BBS9: variants seen among roughly 807,000 people sequenced by gnomAD.
BBS9 encodes Bardet-Biedl syndrome 9, also known as protein PTHB1.
BBS9 carries 89 observed loss-of-function variants against 117.7 expected under a neutral mutation model. The ratio of observed to expected loss-of-function variants is 0.76; its 90% CI spans 0.64 to 0.90. The LOEUF (loss-of-function observed/expected upper bound fraction) is 0.90. BBS9 is among the 40% of genes least tolerant of loss of function. The pLI is 0.00. For missense variants in BBS9, 982 were observed against 1,042.2 expected, an observed-to-expected ratio of 0.94 and a Z score of 0.80; for synonymous variants, 379 against 370.9, an observed-to-expected ratio of 1.02 and a Z score of -0.25.
At chr7:33,487,827 C>G (rs1200827728) in intron 19 of BBS9, among the ~76,000 whole-genome samples, 1 of 152,166 alleles carries the variant, frequency 6.6e-6, no homozygotes, top group Non-Finnish European at 1.5e-5. Flanking sequence ...AAGGTTGAGG[C>G]TCATAGCTCT....
intron 1 of BBS9, among the ~76,000 whole-genome samples, chr7:33,145,480 G>C (rs1792192396): frequency 6.6e-6 from 1 of 152,124 alleles, no homozygotes; most frequent in South Asian, 2.1e-4. Context: ...TGGTCCTGCA[G>C]CCCAATTTTC....
chr7:33,290,062 T>G (rs1306307702), intron 9 of BBS9, among the ~76,000 whole-genome samples: 2 of 151,840 alleles, frequency 1.3e-5, no homozygotes, highest in Non-Finnish European at 2.9e-5. Context: ...AAAAAAAATT[T>G]TTTTAGAAGG....
rs150601474 is a variant in BBS9, at chr7:33,262,369, G to A, written c.618-1921G>A. On this transcript the variant is annotated intron_variant, in intron 6 of 22. Coordinates refer to ENST00000242067, the MANE Select transcript of BBS9 (RefSeq NM_198428.3). ...GAATATCTATATTATCCCTTGGCAGGTTGGTTTCTGTAGGAAATGAACCAC... is the reference window on the plus strand; with the variant it reads ...GAATATCTATATTATCCCTTGGCAGATTGGTTTCTGTAGGAAATGAACCAC... Among the ~76,000 whole-genome samples the A allele has an allele frequency of 8.0e-3, 1,215 of 152,240 alleles. 9 individuals carry two copies. The highest frequency in any genetic ancestry group is 0.012 in the Non-Finnish European group (799 of 67,996).
At chr7:33,140,566 T>C (rs549249409) in intron 1 of BBS9, among the ~76,000 whole-genome samples, 1 of 152,300 alleles carries the variant, frequency 6.6e-6, no homozygotes, top group African/African-American at 2.4e-5. Context: ...AAGTGAATGA[T>C]GTATCCTCAT....
intron 21 of BBS9, among the ~76,000 whole-genome samples, chr7:33,620,340 TAAAA>T (rs1245482352): frequency 6.6e-6 from 1 of 151,898 alleles, no homozygotes; most frequent in Non-Finnish European, 1.5e-5. Context: ...TAGGACTCCT[TAAAA>T]AAACTGTTAA....
At chr7:33,185,340 G>A (rs1199734273) in intron 5 of BBS9, among the ~76,000 whole-genome samples, 2 of 150,462 alleles carry the variant, frequency 1.3e-5, no homozygotes, top group Non-Finnish European at 3.0e-5. Context: ...TGGTTCCGAT[G>A]CTTCTGACAA....
rs186807372 is a variant in BBS9, at chr7:33,382,171, A to G, written c.1790-1495A>G. Among the ~76,000 whole-genome samples, 762 of 152,268 alleles carry G rather than the reference A, an allele frequency of 5.0e-3. 10 individuals are homozygous for G. The highest frequency in any genetic ancestry group is 0.017 in the African/African-American group (716 of 41,542). On this transcript the variant is annotated intron_variant, in intron 17 of 22. Coordinates refer to ENST00000242067, the MANE Select transcript of BBS9 (RefSeq NM_198428.3). ...TTAGTCCTAGATCTCAAAAAAGTGT[A>G]TAATTCCTGACCCAGTGTGGCAGCT...
At chr7:33,433,340 G>A (rs1273609703) in intron 19 of BBS9, among the ~76,000 whole-genome samples, 2 of 152,026 alleles carry the variant, frequency 1.3e-5, no homozygotes, top group Non-Finnish European at 2.9e-5. Flanking sequence ...TACATCATTG[G>A]TAGAGGACAA....
At position 33,129,733 on chromosome 7, in the gene BBS9, A is replaced by G. The variant is rs1007981417; in HGVS notation, c.-320A>G. The stretch of plus-strand genomic sequence containing the variant: ...TCGCCTGCCTAGTGTCTTCCAAGGG[A>G]TAGATGCCGTTTCCTCTGCTGGTCT... On this transcript the variant is annotated 5_prime_UTR_variant, in exon 1 of 23. Coordinates refer to ENST00000242067, the MANE Select transcript of BBS9 (RefSeq NM_198428.3). 6.6e-6 allele frequency: 1 copy of G among 152,214 alleles called. No individual in the cohort carries two copies. The highest frequency in any genetic ancestry group is 1.5e-5 in the Non-Finnish European group (1 of 68,436). 9.4% of individuals were successfully genotyped at this position (152,214 alleles called of 1,614,324 possible).
At chr7:33,290,571 A>T (rs1388701794) in intron 9 of BBS9, among the ~76,000 whole-genome samples, 1 of 152,174 alleles carries the variant, frequency 6.6e-6, no homozygotes, top group Admixed American at 6.6e-5. Context: ...AAAAAAGGCA[A>T]AATTTAGAAC....
chr7:33,619,328 G>A (rs1453036242), intron 21 of BBS9, among the ~76,000 whole-genome samples: 1 of 152,082 alleles, frequency 6.6e-6, no homozygotes, highest in African/African-American at 2.4e-5. Flanking sequence ...ATATGTATTT[G>A]CCCAATGTTG....
chr7:33,471,248 G>A (rs1039254817), intron 19 of BBS9, among the ~76,000 whole-genome samples: 1 of 152,076 alleles, frequency 6.6e-6, no homozygotes, highest in East Asian at 1.9e-4. Flanking sequence ...TGCAAGTGAT[G>A]GTCTTTCATT....
At chr7:33,559,764 TG>T (rs1030861885) in intron 21 of BBS9, among the ~76,000 whole-genome samples, 2 of 152,162 alleles carry the variant, frequency 1.3e-5, no homozygotes, top group Admixed American at 1.3e-4. Flanking sequence ...CCACGACTCG[TG>T]AGTCCCTTCA....
chr7:33,160,074 C>T (rs1794626091), intron 4 of BBS9, among the ~76,000 whole-genome samples: 1 of 152,170 alleles, frequency 6.6e-6, no homozygotes, highest in African/African-American at 2.4e-5. Flanking sequence ...GCTGTTTAGC[C>T]AGTAAGTAAT....
At chr7:33,308,190 T>G (rs926847532) in intron 9 of BBS9, among the ~76,000 whole-genome samples, 1 of 152,094 alleles carries the variant, frequency 6.6e-6, no homozygotes. Context: ...GAAGACATCA[T>G]TAGTAGGAAG....
intron 5 of BBS9, among the ~76,000 whole-genome samples, chr7:33,186,393 T>A (rs1783135572): frequency 6.6e-6 from 1 of 152,186 alleles, no homozygotes; most frequent in Admixed American, 6.5e-5. Context: ...CCTGTCTGCA[T>A]CTAGAGGCTT....
intron 9 of BBS9, among the ~76,000 whole-genome samples, chr7:33,323,783 G>C (rs1035920327): frequency 4.3e-5 from 6 of 140,322 alleles, no homozygotes; most frequent in African/African-American, 1.6e-4. Context: ...CTGCCATTTT[G>C]TTCTGTGGTT....
chr7:33,568,514 T>C (rs1173220286), intron 21 of BBS9, among the ~76,000 whole-genome samples: 1 of 152,236 alleles, frequency 6.6e-6, no homozygotes, highest in Non-Finnish European at 1.5e-5. Flanking sequence ...AATGGGCTTA[T>C]CTGTGTTGTA....
intron 4 of BBS9, among the ~76,000 whole-genome samples, chr7:33,165,642 A>C (rs1243775903): frequency 6.6e-6 from 1 of 151,868 alleles, no homozygotes; most frequent in South Asian, 2.1e-4. Context: ...AAGCTTGTGC[A>C]TGTGTCTTGT....
Sources: allele counts gnomAD v4.1 joint callset (sites outside exome capture counted in the v4.1 genomes callset), GRCh38; gene constraint gnomAD v4.1.1; transcripts MANE v1.5; gene names NCBI Gene and HGNC (gene_info 2026-07-23, HGNC 2026-07-21).